The following TUBGCP3 variants were observed in gnomAD, a reference collection of about 807,000 sequenced individuals.
The protein encoded by TUBGCP3 is tubulin gamma complex component 3, also known as gamma-tubulin complex component 3.
A neutral mutation model predicts 123.1 loss-of-function variants in TUBGCP3; 50 were observed. The observed-to-expected ratio is 0.41, with a 90% confidence interval of 0.32 to 0.51. TUBGCP3 has a LOEUF of 0.51. Among genes scored for constraint, TUBGCP3 ranks in the 20% least tolerant of loss-of-function variants. TUBGCP3 has a pLI of 0.36. For missense variants in TUBGCP3, 882 were observed against 1,127.0 expected, an observed-to-expected ratio of 0.78 and a Z score of 3.11; for synonymous variants, 405 against 413.9, an observed-to-expected ratio of 0.98 and a Z score of 0.26.
chr13:112,591,967 G>A (rs531293205), upstream of TUBGCP3, among the ~76,000 whole-genome samples: 1 of 152,304 alleles, frequency 6.6e-6, no homozygotes, highest in South Asian at 2.1e-4. Context: ...CAGGAGCACT[G>A]GAGATACGGG....
chr13:112,526,607 C>CA (rs1877136101), intron 13 of TUBGCP3, among the ~76,000 whole-genome samples: 1 of 144,386 alleles, frequency 6.9e-6, no homozygotes, highest in South Asian at 2.2e-4. Context: ...CCATCATCAT[C>CA]ATCACCATCA....
At chr13:112,497,214 G>A (rs2139206412) in intron 20 of TUBGCP3, among the ~76,000 whole-genome samples, 1 of 152,230 alleles carries the variant, frequency 6.6e-6, no homozygotes, top group East Asian at 1.9e-4. Flanking sequence ...CGACATCTTG[G>A]AGGGGTGAGC....
intron 10 of TUBGCP3, chr13:112,547,215 C>T (rs1879083834): frequency 5.1e-6 from 2 of 390,528 alleles, no homozygotes; most frequent in African/African-American, 2.1e-5. Flanking sequence ...GGAAAGGCGA[C>T]CAAGGGAGCA....
chr13:112,489,538 G>T, intron 21 of TUBGCP3, 43 bp downstream of exon 21: 1 of 1,340,550 alleles, frequency 7.5e-7, no homozygotes, highest in Non-Finnish European at 1.1e-6. Context: ...TACAGAACAT[G>T]GGCAGAGTGG....
intron 1 of TUBGCP3, among the ~76,000 whole-genome samples, chr13:112,583,717 A>C (rs1882423151): frequency 6.6e-6 from 1 of 152,080 alleles, no homozygotes; most frequent in Admixed American, 6.6e-5. Context: ...GTTTGGGGAG[A>C]CCCAAGTTTC....
intron 14 of TUBGCP3, chr13:112,521,890 T>C (rs746592580): frequency 4.4e-5 from 43 of 978,612 alleles, no homozygotes; most frequent in Non-Finnish European, 5.2e-5. Context: ...CCATGAGAAA[T>C]GTCAGGGAGC....
intron 20 of TUBGCP3, among the ~76,000 whole-genome samples, chr13:112,496,061 TTC>T (rs1475799877): frequency 1.3e-5 from 2 of 152,230 alleles, no homozygotes; most frequent in African/African-American, 4.8e-5. Flanking sequence ...GAGATTCTTA[TTC>T]TGAGACAGTC....
At chr13:112,578,199 A>G (rs1594229664) in intron 1 of TUBGCP3, among the ~76,000 whole-genome samples, 3 of 150,844 alleles carry the variant, frequency 2.0e-5, no homozygotes, top group African/African-American at 7.3e-5. Flanking sequence ...GTGGCTCTGG[A>G]ATGTGTCTAG....
intron 2 of TUBGCP3, among the ~76,000 whole-genome samples, chr13:112,565,912 C>G (rs9635137): frequency 0.35 from 52,069 of 150,420 alleles, 10,178 homozygotes; most frequent in African/African-American, 0.53. Context: ...TCCAGCCTGG[C>G]CGACAGAGCG....
chr13:112,599,003 AAAAAAG>A, the TUBGCP3 span, among the ~76,000 whole-genome samples: 1 of 152,022 alleles, frequency 6.6e-6, no homozygotes, highest in Non-Finnish European at 1.5e-5. Flanking sequence ...AAATACAAAA[AAAAAAG>A]AAAGAAAAAT....
At position 112,558,564 on chromosome 13, in the gene TUBGCP3, C is replaced by G. The variant is rs1181568473; in HGVS notation, c.331-151G>C. On this transcript the variant is annotated intron_variant, in intron 4 of 21. Transcript: ENST00000261965. ...ATTAAACAATAAATTAGATGTTATGCTTTTGAAATATGCCTAAACTGATAA... is the reference window on the plus strand; with the variant it reads ...ATTAAACAATAAATTAGATGTTATGGTTTTGAAATATGCCTAAACTGATAA... 4.3e-6 allele frequency: 3 copies of G among 695,368 alleles called. No individual in the cohort carries two copies. The South Asian group carries it at 1.1e-4, about 25-fold the overall frequency. 43.1% of individuals were successfully genotyped at this position (695,368 alleles called of 1,614,324 possible). A position where few individuals can be genotyped will look rare whatever the true frequency, so the allele number is the denominator to read the frequency against.
At chr13:112,494,374 G>T (rs570495821) in intron 20 of TUBGCP3, among the ~76,000 whole-genome samples, 1 of 152,230 alleles carries the variant, frequency 6.6e-6, no homozygotes, top group Non-Finnish European at 1.5e-5. Flanking sequence ...ACCAGCATTT[G>T]TTGGTGTATG....
At position 112,545,532 on chromosome 13, in the gene TUBGCP3, G is replaced by A; in HGVS notation, c.1335+167C>T. On this transcript the variant is annotated intron_variant, in intron 11 of 21. Transcript: ENST00000261965. The surrounding 1 kb of genome is among the most constrained non-coding windows in gnomAD (Gnocchi z 4.1). ...CGTGAACTTATCTGCTGTTCAGTGA[G>A]ATAACCAGCTGTCGAGGCACTGTGT... 2.9e-6 allele frequency: 2 copies of A among 681,778 alleles called. No homozygotes were observed. The highest frequency in any genetic ancestry group is 4.2e-5 in the South Asian group (2 of 47,560). The allele number at this position is 681,778 out of a possible 1,614,324, so 42.2% of individuals were successfully genotyped here.
intron 1 of TUBGCP3, among the ~76,000 whole-genome samples, chr13:112,575,664 C>T (rs747548367): frequency 5.3e-5 from 8 of 152,218 alleles, no homozygotes; most frequent in African/African-American, 1.7e-4. Context: ...TTCAAATGCA[C>T]GTGGAACATT....
At chr13:112,559,240 T>C (rs764937728) in intron 4 of TUBGCP3, 82 bp downstream of exon 4, 7 of 1,125,344 alleles carry the variant, frequency 6.2e-6, no homozygotes, top group Non-Finnish European at 9.1e-6. Context: ...AGCATTATTT[T>C]CTTAGCTGCA....
upstream of TUBGCP3, chr13:112,588,175 G>A: frequency 2.3e-6 from 1 of 436,032 alleles, no homozygotes. Flanking sequence ...ACAATGCCCC[G>A]CTTCTTCCCT....
At chr13:112,552,789 C>A (rs1031469474) in intron 8 of TUBGCP3, among the ~76,000 whole-genome samples, 6 of 148,846 alleles carry the variant, frequency 4.0e-5, no homozygotes, top group Non-Finnish European at 8.9e-5. Context: ...CAGCCACGCT[C>A]TTCCCCATCA....
intron 21 of TUBGCP3, among the ~76,000 whole-genome samples, chr13:112,488,974 AG>A (rs1453698745): frequency 7.6e-6 from 1 of 132,002 alleles, no homozygotes; most frequent in African/African-American, 2.9e-5. Context: ...AGGGGAGCAA[AG>A]GGGTCACCCC....
Position 112,569,261 on chromosome 13 carries a change from T to C in TUBGCP3, c.77-2A>G. The C allele has an allele frequency of 6.2e-7, 1 of 1,614,010 alleles. No homozygotes were observed. The highest frequency in any genetic ancestry group is 8.5e-7 in the Non-Finnish European group (1 of 1,179,944). On this transcript the variant is annotated splice_acceptor_variant, in intron 1 of 21. Transcript: ENST00000261965. LOFTEE classifies it high-confidence loss of function. ...ACTGGAACTGCTGGGCTACATCAGC[T>C]GAAAGACAAACAAAAGGATGCGGAT...
Sources: allele counts gnomAD v4.1 joint callset (sites outside exome capture counted in the v4.1 genomes callset), GRCh38; gene constraint gnomAD v4.1.1; non-coding constraint Gnocchi (gnomAD v3.1); transcripts MANE v1.5; gene names NCBI Gene and HGNC (gene_info 2026-07-23, HGNC 2026-07-21).